USP9X: variants seen among roughly 807,000 people sequenced by gnomAD.
The protein encoded by USP9X is ubiquitin specific peptidase 9 X-linked.
A neutral mutation model predicts 190.3 loss-of-function variants in USP9X; 7 were observed. That is an observed-to-expected ratio of 0.04 (90% CI 0.02 to 0.07). The LOEUF (loss-of-function observed/expected upper bound fraction) is 0.07, where lower values mean the gene tolerates loss of function less well. Among genes scored for constraint, USP9X ranks in the 10% least tolerant of loss-of-function variants. The pLI, the probability that USP9X is intolerant of heterozygous loss-of-function variation, is 1.00. For missense variants in USP9X, 1,010 were observed against 1,916.9 expected (o/e 0.53, Z 8.83); for synonymous variants, 645 against 659.5 (o/e 0.98, Z 0.34).
chrX:41,199,836 G>A (rs1192098720), intron 30 of USP9X, among the ~76,000 whole-genome samples: 1 of 111,787 alleles, frequency 8.9e-6, no homozygotes, highest in Non-Finnish European at 1.9e-5. Flanking sequence ...AGATTAGAAC[G>A]TGAGAAGTTA....
At chrX:41,120,744 C>T (rs186983933) in intron 1 of USP9X, among the ~76,000 whole-genome samples, 13 of 111,007 alleles carry the variant, frequency 1.2e-4, no homozygotes, top group African/African-American at 3.9e-4. Flanking sequence ...ATGATCCGCC[C>T]GCCTCAGCCT....
rs1179120255 is a variant in USP9X at position 41,167,593 on chromosome X, C to T, written c.2424+16C>T. 45 of 1,105,150 alleles carry T rather than the reference C, an allele frequency of 4.1e-5. No individual in the cohort carries two copies. The highest frequency in any genetic ancestry group is 5.3e-5 in the Non-Finnish European group (43 of 813,229). The allele number at this position is 1,105,150 out of a possible 1,213,427, so 91.1% of individuals were successfully genotyped here. A position where few individuals can be genotyped will look rare whatever the true frequency, so the allele number is the denominator to read the frequency against. ...AGTCAATCAGGTGAGGATTGATGTG[C>T]ATTAAAACTTCCATATATAATTCTT... is the stretch of plus-strand genomic sequence containing the variant. On this transcript the variant is annotated intron_variant, in intron 17 of 44. Coordinates refer to ENST00000378308, the MANE Select transcript of USP9X (RefSeq NM_001039591.3).
chrX:41,172,564 CTG>C (rs2062736260), intron 21 of USP9X, among the ~76,000 whole-genome samples: 1 of 111,644 alleles, frequency 9.0e-6, no homozygotes. Context: ...GAAAACTTAA[CTG>C]TTACATACCC....
intron 39 of USP9X, among the ~76,000 whole-genome samples, chrX:41,224,207 CA>C (rs1001256652): frequency 3.9e-5 from 4 of 102,271 alleles, no homozygotes; most frequent in Admixed American, 3.1e-4. Flanking sequence ...ACCCTGTGTC[CA>C]AAAAAAAAAT....
At chrX:41,135,437 G>A (rs1158159704) in intron 5 of USP9X, among the ~76,000 whole-genome samples, 1 of 111,474 alleles carries the variant, frequency 9.0e-6, no homozygotes, top group Non-Finnish European at 1.9e-5. Context: ...GTCTCATGTC[G>A]GTAGTGCCCC....
chrX:41,090,041 G>A (rs1282802518), intron 1 of USP9X, among the ~76,000 whole-genome samples: 3 of 104,007 alleles, frequency 2.9e-5, no homozygotes, highest in African/African-American at 1.1e-4. Context: ...GAGTAGCCGG[G>A]ACTACAGGTG....
chrX:41,138,888 A>G (rs755696689), intron 6 of USP9X, among the ~76,000 whole-genome samples: 13 of 112,818 alleles, frequency 1.2e-4, no homozygotes, highest in Middle Eastern at 4.6e-3. Flanking sequence ...TGAATTTTCT[A>G]TTTAGGGCGA....
chrX:41,195,547 CT>C (rs1221713480), intron 26 of USP9X, among the ~76,000 whole-genome samples: 1 of 111,438 alleles, frequency 9.0e-6, no homozygotes, highest in Non-Finnish European at 1.9e-5. Flanking sequence ...GTCCCCAACC[CT>C]TTTGGCACCA....
intron 14 of USP9X, among the ~76,000 whole-genome samples, chrX:41,155,972 T>C (rs2062574901): frequency 1.8e-5 from 2 of 111,724 alleles, no homozygotes; most frequent in South Asian, 7.5e-4. Flanking sequence ...AAATAAAATA[T>C]GAAAATACTC....
At chrX:41,132,122 C>T (rs1277492034) in intron 4 of USP9X, among the ~76,000 whole-genome samples, 1 of 110,088 alleles carries the variant, frequency 9.1e-6, no homozygotes, top group East Asian at 2.8e-4. Context: ...TATTGTACTT[C>T]TGAAATAAAC....
intron 1 of USP9X, among the ~76,000 whole-genome samples, chrX:41,102,531 G>A (rs1206871124): frequency 1.8e-5 from 2 of 111,612 alleles, no homozygotes; most frequent in Admixed American, 1.9e-4. Flanking sequence ...GGTGAGGCAC[G>A]AGAATTGCTT....
At chrX:41,172,452 G>A (rs781436410) in intron 21 of USP9X, among the ~76,000 whole-genome samples, 2 of 111,389 alleles carry the variant, frequency 1.8e-5, no homozygotes, top group Admixed American at 9.5e-5. Flanking sequence ...CCAACTTCTC[G>A]CTTTTACTTT....
intron 20 of USP9X, chrX:41,171,605 T>C: frequency 2.4e-6 from 1 of 410,503 alleles, no homozygotes; most frequent in Non-Finnish European, 4.4e-6. Flanking sequence ...AATGGTTTAA[T>C]AGAACAGGAG....
intron 38 of USP9X, 112 bp from the exon 39 acceptor site, chrX:41,223,105 C>A: frequency 1.4e-6 from 1 of 726,057 alleles, no homozygotes; most frequent in Non-Finnish European, 2.0e-6. Flanking sequence ...AAATTATAGA[C>A]AAGATATTTT....
Position 41,229,569 on chromosome X carries a change from C to A in USP9X, c.7221C>A (p.Gly2407=), listed in dbSNP as rs1339322865. ...TATGGTTTTATTTTCTTTTGCAGGGCAATGGAGATCTTAAAAGAAAGTGGA... is the reference window on the plus strand; with the variant it reads ...TATGGTTTTATTTTCTTTTGCAGGGAAATGGAGATCTTAAAAGAAAGTGGA... The part of the protein sequence containing the change: ...NCPVAYQILQ[G]NGDLKRKWTW... Residue 2407 remains glycine (G), a splice_region_variant and synonymous_variant, in exon 43 of 45, where the codon GGC becomes GGA. Transcript: ENST00000378308. 1.7e-6 allele frequency: 2 copies of A among 1,210,569 alleles called. No homozygotes were observed. Among genetic ancestry groups the A allele is most frequent in the South Asian group, 3.5e-5 (2 of 56,742 alleles).
intron 22 of USP9X, 106 bp downstream of exon 22, chrX:41,184,234 G>A: frequency 3.0e-6 from 3 of 1,006,595 alleles, no homozygotes; most frequent in South Asian, 2.5e-5. Flanking sequence ...TGAATGATTT[G>A]GGTAAAATTG....
intron 41 of USP9X, among the ~76,000 whole-genome samples, chrX:41,226,750 T>C (rs1187014895): frequency 1.8e-5 from 2 of 112,207 alleles, no homozygotes; most frequent in African/African-American, 6.5e-5. Context: ...CTTCTAAATA[T>C]GTTCATAGGA....
At position 41,113,917 on chromosome X, in the gene USP9X, CAT is replaced by C. The variant is rs750951131; in HGVS notation, c.-158-9553_-158-9552del. ...TGCACACAAACGTTTTTATAGACCA[CAT>C]GTGGTGCCACGTGCAGTTGAGAGAA... On this transcript the variant is annotated intron_variant, in intron 1 of 44. Coordinates refer to ENST00000378308, the MANE Select transcript of USP9X (RefSeq NM_001039591.3). Among the ~76,000 whole-genome samples the C allele has an allele frequency of 1.4e-4, 16 of 112,882 alleles. No individual in the cohort carries two copies. In the East Asian group the frequency reaches 4.1e-3, roughly 29 times the overall value.
At chrX:41,217,711 C>A (rs1405437011) in intron 36 of USP9X, among the ~76,000 whole-genome samples, 2 of 110,905 alleles carry the variant, frequency 1.8e-5, no homozygotes, top group African/African-American at 6.6e-5. Flanking sequence ...CATAGTGAGA[C>A]CCCCATCTCT....
Sources: gnomAD v4.1 joint callset for allele counts (sites outside exome capture counted in the v4.1 genomes callset) on GRCh38, gnomAD v4.1.1 for gene constraint, MANE v1.5 for transcripts, NCBI Gene and HGNC (gene_info 2026-07-23, HGNC 2026-07-21) for gene names.